Variants in PRKG1 observed in about 807,000 individuals in gnomAD.
The protein encoded by PRKG1 is cGMP-dependent protein kinase 1.
Under a neutral mutation model 88.1 loss-of-function variants are expected in PRKG1, and 35 were observed. The ratio of observed to expected loss-of-function variants is 0.40; its 90% CI spans 0.30 to 0.53. The LOEUF (loss-of-function observed/expected upper bound fraction) is 0.53, where lower values mean the gene tolerates loss of function less well. Among genes scored for constraint, PRKG1 ranks in the 20% least tolerant of loss-of-function variants. The probability of loss-of-function intolerance (pLI) is 0.59; values close to 1 mark genes in which losing one functional copy is unlikely to be tolerated. For missense variants in PRKG1, 540 were observed against 839.8 expected, an observed-to-expected ratio of 0.64 and a Z score of 4.41; for synonymous variants, 303 against 292.5, an observed-to-expected ratio of 1.04 and a Z score of -0.37.
At chr10:51,377,218 T>G (rs1426038151) in intron 2 of PRKG1, among the ~76,000 whole-genome samples, 4 of 152,198 alleles carry the variant, frequency 2.6e-5, no homozygotes, top group African/African-American at 9.7e-5. Flanking sequence ...GAAACCTGAA[T>G]ATTTGGACAA....
chr10:51,175,930 A>G (rs1209863314), intron 2 of PRKG1, among the ~76,000 whole-genome samples: 1 of 152,154 alleles, frequency 6.6e-6, no homozygotes, highest in African/African-American at 2.4e-5. Flanking sequence ...GAGTAATTGC[A>G]TCTTTCATAT....
chr10:51,569,999 G>A (rs545050736), intron 3 of PRKG1, among the ~76,000 whole-genome samples: 19 of 147,242 alleles, frequency 1.3e-4, no homozygotes, highest in Non-Finnish European at 2.5e-4. Context: ...TAGATCTGAC[G>A]ATAAGATGTT....
chr10:52,292,409 G>A (rs374257351), intron 17 of PRKG1, among the ~76,000 whole-genome samples: 16,149 of 151,652 alleles, frequency 0.11, 1,315 homozygotes, highest in African/African-American at 0.24. Context: ...TAACGTTTAA[G>A]TCTTTAATCC....
At chr10:51,637,159 CAT>C (rs1288151536) in intron 3 of PRKG1, among the ~76,000 whole-genome samples, 2 of 151,746 alleles carry the variant, frequency 1.3e-5, no homozygotes, top group Non-Finnish European at 2.9e-5. Context: ...AGCCAAGAAA[CAT>C]ATGGAAAAAA....
At chr10:51,086,849 T>C (rs1014540533) in intron 1 of PRKG1, among the ~76,000 whole-genome samples, 1 of 152,214 alleles carries the variant, frequency 6.6e-6, no homozygotes, top group Non-Finnish European at 1.5e-5. Flanking sequence ...GCTATGTAAG[T>C]CATCTATCGT....
intron 14 of PRKG1, among the ~76,000 whole-genome samples, chr10:52,287,652 G>C (rs1203351952): frequency 6.7e-6 from 1 of 148,584 alleles, no homozygotes; most frequent in Non-Finnish European, 1.5e-5. Context: ...AGTCATCTTT[G>C]TACTCACTGA....
intron 4 of PRKG1, among the ~76,000 whole-genome samples, chr10:51,806,026 G>A (rs1368354913): frequency 2.0e-5 from 3 of 152,048 alleles, no homozygotes; most frequent in Non-Finnish European, 4.4e-5. Context: ...ATATATGTAT[G>A]TGTTGATATA....
At chr10:52,187,757 A>T (rs956935972) in intron 9 of PRKG1, among the ~76,000 whole-genome samples, 3 of 152,208 alleles carry the variant, frequency 2.0e-5, no homozygotes, top group Non-Finnish European at 1.5e-5. Flanking sequence ...TGAGCCAAAC[A>T]CTGGTCAATC....
At chr10:51,082,271 C>T (rs7084128) in intron 1 of PRKG1, among the ~76,000 whole-genome samples, 38,281 of 152,002 alleles carry the variant, frequency 0.25, 5,027 homozygotes, top group African/African-American at 0.3. Flanking sequence ...GATTAGGTAG[C>T]TGCAGGAAAA....
chr10:51,416,394 TATA>T (rs1838238464), intron 2 of PRKG1, among the ~76,000 whole-genome samples: 1 of 152,254 alleles, frequency 6.6e-6, no homozygotes, highest in African/African-American at 2.4e-5. Context: ...ACCAGCCAAA[TATA>T]ATGAAAACTT....
At chr10:51,003,512 C>G (rs980607234) in intron 1 of PRKG1, among the ~76,000 whole-genome samples, 4 of 152,132 alleles carry the variant, frequency 2.6e-5, no homozygotes, top group Admixed American at 2.6e-4. Flanking sequence ...CCCCATTTGC[C>G]ATGTTAAAAG....
At position 51,981,614 on chromosome 10, in the gene PRKG1, T is replaced by A. The variant is rs183730168; in HGVS notation, c.763-72870T>A. On this transcript the variant is annotated intron_variant, in intron 5 of 17. Transcript: ENST00000373980. The stretch of plus-strand genomic sequence containing the variant: ...AAATAAATAAATAAATAGCAAAAAA[T>A]AAAAAAAAGAATATTTAATACTGGC... 2.6e-5 allele frequency among the ~76,000 whole-genome samples: 4 copies of A among 151,550 alleles called. No homozygotes were observed. In the East Asian group the frequency reaches 7.8e-4, roughly 29 times the overall value.
At chr10:52,023,524 T>C (rs1845243932) in intron 5 of PRKG1, among the ~76,000 whole-genome samples, 1 of 152,248 alleles carries the variant, frequency 6.6e-6, no homozygotes, top group African/African-American at 2.4e-5. Context: ...TAGTTTACAG[T>C]CCCACCAACA....
intron 1 of PRKG1, among the ~76,000 whole-genome samples, chr10:51,109,658 A>T (rs10995681): frequency 0.29 from 43,741 of 152,054 alleles, 6,526 homozygotes; most frequent in African/African-American, 0.35. Context: ...CTTTTAGAAG[A>T]ACACATAAGA....
chr10:52,285,717 A>G (rs1321645063), intron 14 of PRKG1, among the ~76,000 whole-genome samples: 2 of 152,124 alleles, frequency 1.3e-5, no homozygotes, highest in South Asian at 2.1e-4. Context: ...TATCAAAAGC[A>G]TGATCTCCCT....
intron 9 of PRKG1, among the ~76,000 whole-genome samples, chr10:52,213,887 T>A (rs1020861244): frequency 6.6e-6 from 1 of 152,208 alleles, no homozygotes; most frequent in African/African-American, 2.4e-5. Flanking sequence ...ACGTAACACA[T>A]CCTTGATATT....
At chr10:52,141,928 A>T (rs1396860280) in intron 8 of PRKG1, among the ~76,000 whole-genome samples, 2 of 152,126 alleles carry the variant, frequency 1.3e-5, no homozygotes, top group Admixed American at 1.3e-4. Context: ...ATGCCATTTC[A>T]CCCAAGGGCC....
At chr10:51,546,241 A>G (rs1457597450) in intron 3 of PRKG1, among the ~76,000 whole-genome samples, 1 of 152,112 alleles carries the variant, frequency 6.6e-6, no homozygotes, top group Non-Finnish European at 1.5e-5. Context: ...ACATTGTTAT[A>G]TGTGTGTATG....
chr10:51,420,278 CCTT>C (rs1336759107), intron 2 of PRKG1, among the ~76,000 whole-genome samples: 1 of 152,084 alleles, frequency 6.6e-6, no homozygotes, highest in East Asian at 1.9e-4. Context: ...GAATAGACCT[CCTT>C]CTCTTGAGCA....
Sources: allele counts gnomAD v4.1 joint callset (sites outside exome capture counted in the v4.1 genomes callset), GRCh38; gene constraint gnomAD v4.1.1; transcripts MANE v1.5; gene names NCBI Gene and HGNC (gene_info 2026-07-23, HGNC 2026-07-21).